The following TMPRSS15 variants were observed in gnomAD, a reference collection of about 807,000 sequenced individuals.
TMPRSS15 encodes enteropeptidase.
Under a neutral mutation model 125.3 loss-of-function variants are expected in TMPRSS15, and 128 were observed. That is an observed-to-expected ratio of 1.02 (90% CI 0.89 to 1.18). The LOEUF (loss-of-function observed/expected upper bound fraction) is 1.18. TMPRSS15 is among the 50% of genes most tolerant of loss of function. The pLI is 0.00. For missense variants in TMPRSS15, 1,283 were observed against 1,212.7 expected (o/e 1.06, Z -0.86); for synonymous variants, 446 against 423.2 (o/e 1.05, Z -0.66).
intron 1 of TMPRSS15, among the ~76,000 whole-genome samples, chr21:18,408,924 A>G (rs2076158961): frequency 6.6e-6 from 1 of 152,150 alleles, no homozygotes; most frequent in South Asian, 2.1e-4. Flanking sequence ...ATAAAATAAA[A>G]GAGTTATAGT....
upstream of TMPRSS15, among the ~76,000 whole-genome samples, chr21:18,407,627 C>T (rs1199175612): frequency 2.6e-5 from 4 of 151,684 alleles, no homozygotes; most frequent in Admixed American, 2.0e-4. Flanking sequence ...TCTCTTCCCC[C>T]GCTTTTTTCT....
chr21:18,404,820 A>C (rs1009505434), upstream of TMPRSS15, among the ~76,000 whole-genome samples: 4 of 152,070 alleles, frequency 2.6e-5, no homozygotes, highest in African/African-American at 9.7e-5. Context: ...GTTGCCCCCA[A>C]ACTCAAGAAT....
Position 18,398,320 on chromosome 21 carries a change from A to C in TMPRSS15, c.155T>G (p.Leu52Arg). 1 of 1,613,730 alleles carries C rather than the reference A, an allele frequency of 6.2e-7. No homozygotes were observed. Among genetic ancestry groups the C allele is most frequent in the Non-Finnish European group, 8.5e-7 (1 of 1,179,748 alleles). Residue 52 changes from leucine (L) to arginine (R), a missense_variant, in exon 2 of 25, where the codon CTT (leucine) becomes CGT (arginine). Leu to Arg is a moderately radical substitution (Grantham distance 102). Transcript: ENST00000284885. ...TIKESQRGAALGQSHEARATF... is the reference protein window; with the variant it reads ...TIKESQRGAARGQSHEARATF... ...CGCTCTGGCTTCATGACTCTGTCCA[A>C]GTGCTGCACCTAGATAAATTAATAA...
chr21:18,330,462 A>G lies in TMPRSS15; in HGVS notation c.1655-1168T>C, dbSNP rs145488617. Among the ~76,000 whole-genome samples the G allele has an allele frequency of 2.0e-5, 3 of 152,210 alleles. No homozygotes were observed. In the East Asian group the frequency reaches 5.8e-4, roughly 29 times the overall value. On this transcript the variant is annotated intron_variant, in intron 14 of 24. Coordinates refer to ENST00000284885, the MANE Select transcript of TMPRSS15 (RefSeq NM_002772.3). ...ACTTCTAATTTTACCCATTACCATTATTTAATTTTTCTTGGAGATTCAAGA... is the reference window on the plus strand; with the variant it reads ...ACTTCTAATTTTACCCATTACCATTGTTTAATTTTTCTTGGAGATTCAAGA...
At chr21:18,412,311 A>G (rs897526518) in intron 1 of TMPRSS15, among the ~76,000 whole-genome samples, 1 of 152,220 alleles carries the variant, frequency 6.6e-6, no homozygotes, top group Non-Finnish European at 1.5e-5. Flanking sequence ...AAAGTGTTAT[A>G]CCAACATTTA....
At chr21:18,357,852 A>G (rs2147017584) in intron 8 of TMPRSS15, among the ~76,000 whole-genome samples, 1 of 151,924 alleles carries the variant, frequency 6.6e-6, no homozygotes, top group South Asian at 2.1e-4. Flanking sequence ...CAGTTGTAAG[A>G]TAATATTAGT....
intron 1 of TMPRSS15, among the ~76,000 whole-genome samples, chr21:18,401,946 C>A (rs2076098562): frequency 6.6e-6 from 1 of 151,528 alleles, no homozygotes; most frequent in Non-Finnish European, 1.5e-5. Flanking sequence ...GCTTATAGAT[C>A]CTTCAAGTTA....
chr21:18,473,335 A>T (rs1801839725), intron 1 of TMPRSS15, among the ~76,000 whole-genome samples: 1 of 151,990 alleles, frequency 6.6e-6, no homozygotes, highest in African/African-American at 2.4e-5. Context: ...GAACCCTGAA[A>T]TTTTTCCTTA....
intron 21 of TMPRSS15, among the ~76,000 whole-genome samples, chr21:18,292,966 C>T (rs2074856397): frequency 1.3e-5 from 2 of 152,238 alleles, no homozygotes; most frequent in South Asian, 4.1e-4. Context: ...ATGTAACACT[C>T]AATGGATAGA....
intron 1 of TMPRSS15, among the ~76,000 whole-genome samples, chr21:18,458,396 T>G (rs1978482798): frequency 6.6e-6 from 1 of 152,200 alleles, no homozygotes; most frequent in South Asian, 2.1e-4. Context: ...TCATATTGAA[T>G]GCACACTATG....
chr21:18,275,691 G>A (rs1268793553), intron 23 of TMPRSS15, among the ~76,000 whole-genome samples: 3 of 152,190 alleles, frequency 2.0e-5, no homozygotes, highest in South Asian at 2.1e-4. Context: ...ATTAGCAACA[G>A]CTCAGAAATC....
intron 1 of TMPRSS15, among the ~76,000 whole-genome samples, chr21:18,463,934 G>A (rs1446866937): frequency 3.3e-5 from 5 of 152,162 alleles, no homozygotes; most frequent in East Asian, 1.9e-4. Flanking sequence ...CAGCACTTGG[G>A]GAAGCCGAGG....
At chr21:18,404,647 G>A (rs2076133972), upstream of TMPRSS15, among the ~76,000 whole-genome samples, 1 of 152,044 alleles carries the variant, frequency 6.6e-6, no homozygotes, top group Admixed American at 6.6e-5. Context: ...CTATTCTGAA[G>A]TAAACCAATG....
At chr21:18,284,979 T>C (rs2074745201) in intron 21 of TMPRSS15, among the ~76,000 whole-genome samples, 1 of 147,464 alleles carries the variant, frequency 6.8e-6, no homozygotes, top group Middle Eastern at 3.3e-3. Context: ...CCAGCCTGGG[T>C]GACAAGAGCA....
At chr21:18,428,092 A>G (rs542151790) in intron 1 of TMPRSS15, among the ~76,000 whole-genome samples, 9 of 152,354 alleles carry the variant, frequency 5.9e-5, no homozygotes, top group African/African-American at 1.9e-4. Context: ...CTGGGTTATT[A>G]TTAATTATTG....
chr21:18,310,534 A>G (rs1334914648), intron 18 of TMPRSS15, among the ~76,000 whole-genome samples: 1 of 152,116 alleles, frequency 6.6e-6, no homozygotes, highest in African/African-American at 2.4e-5. Context: ...GAAAACTGTA[A>G]AACACTGATG....
intron 1 of TMPRSS15, among the ~76,000 whole-genome samples, chr21:18,463,218 G>A (rs1421138483): frequency 4.2e-5 from 4 of 95,566 alleles, no homozygotes; most frequent in Non-Finnish European, 5.9e-5. Flanking sequence ...TAAAGGGATG[G>A]AGGAATATTT....
At chr21:18,394,130 T>G (rs1213372353) in intron 3 of TMPRSS15, among the ~76,000 whole-genome samples, 1 of 152,178 alleles carries the variant, frequency 6.6e-6, no homozygotes, top group Non-Finnish European at 1.5e-5. Context: ...GAAGTACTCT[T>G]TTTAGTGATT....
intron 23 of TMPRSS15, among the ~76,000 whole-genome samples, chr21:18,275,996 A>T (rs1177506553): frequency 6.6e-6 from 1 of 152,220 alleles, no homozygotes; most frequent in African/African-American, 2.4e-5. Flanking sequence ...TGAAACAAGC[A>T]GGTGTCTAGT....
Sources: gnomAD v4.1 joint callset for allele counts (sites outside exome capture counted in the v4.1 genomes callset) on GRCh38, gnomAD v4.1.1 for gene constraint, MANE v1.5 for transcripts, NCBI Gene and HGNC (gene_info 2026-07-23, HGNC 2026-07-21) for gene names.